The following CLVS1 variants were observed in gnomAD, a reference collection of about 807,000 sequenced individuals.
The protein encoded by CLVS1 is clavesin-1.
In CLVS1, 10 loss-of-function variants were observed where a neutral mutation model predicts 33.1. That is an observed-to-expected ratio of 0.30 (90% CI 0.19 to 0.51). The LOEUF (loss-of-function observed/expected upper bound fraction) is 0.51. CLVS1 is among the 20% of genes least tolerant of loss of function. The pLI, the probability that CLVS1 is intolerant of heterozygous loss-of-function variation, is 0.97. For missense variants in CLVS1, 343 were observed against 433.4 expected (o/e 0.79, Z 1.85); for synonymous variants, 163 against 166.1 (o/e 0.98, Z 0.14).
chr8:61,491,205 T>C (rs1804067267), intron 5 of CLVS1, among the ~76,000 whole-genome samples: 1 of 152,178 alleles, frequency 6.6e-6, no homozygotes, highest in African/African-American at 2.4e-5. Context: ...TCAAGAACAA[T>C]TGGTGATTGT....
At chr8:61,165,507 T>G (rs1806844773) in intron 2 of CLVS1, among the ~76,000 whole-genome samples, 2 of 152,160 alleles carry the variant, frequency 1.3e-5, no homozygotes, top group African/African-American at 4.8e-5. Context: ...TAATTAGTAT[T>G]TTAGTGAGCT....
chr8:61,150,101 G>GGTGTGTGTGTGTGTGTGT (rs10653874), intron 2 of CLVS1, among the ~76,000 whole-genome samples: 8,300 of 146,390 alleles, frequency 0.057, 301 homozygotes, highest in Non-Finnish European at 0.071. Context: ...ATTTGAGAAA[G>GGTGTGTGTGTGTGTGTGT]GTGTGTGTGT....
At chr8:61,471,365 C>CA (rs1489291654) in intron 5 of CLVS1, among the ~76,000 whole-genome samples, 1 of 152,104 alleles carries the variant, frequency 6.6e-6, no homozygotes, top group Non-Finnish European at 1.5e-5. Flanking sequence ...GCCATTTTGT[C>CA]ACGGTTTTGA....
intron 3 of CLVS1, among the ~76,000 whole-genome samples, chr8:61,448,800 T>A (rs1217919994): frequency 6.6e-6 from 1 of 152,184 alleles, no homozygotes; most frequent in Non-Finnish European, 1.5e-5. Context: ...TACTTTTTCA[T>A]CTGCATCATA....
intron 5 of CLVS1, among the ~76,000 whole-genome samples, chr8:61,494,422 ACT>A (rs762338999): frequency 2.6e-5 from 4 of 151,838 alleles, no homozygotes; most frequent in Non-Finnish European, 5.9e-5. Context: ...AACTCAAATC[ACT>A]CCCCTGCCTG....
At chr8:61,433,531 C>A (rs151060871) in intron 3 of CLVS1, among the ~76,000 whole-genome samples, 1 of 152,224 alleles carries the variant, frequency 6.6e-6, no homozygotes, top group East Asian at 1.9e-4. Context: ...TTATTTCTTT[C>A]TCAAGAGAAC....
chr8:61,010,976 T>G, the CLVS1 span, among the ~76,000 whole-genome samples: 1 of 152,256 alleles, frequency 6.6e-6, no homozygotes, highest in African/African-American at 2.4e-5. Context: ...CACACTTGGT[T>G]CGCACCAATT....
intron 2 of CLVS1, among the ~76,000 whole-genome samples, chr8:61,305,556 T>A (rs1301223681): frequency 6.6e-6 from 1 of 152,202 alleles, no homozygotes; most frequent in East Asian, 1.9e-4. Flanking sequence ...ATAAACTCTA[T>A]TTTCTCTTTT....
At chr8:61,491,863 A>G (rs1472218561) in intron 5 of CLVS1, among the ~76,000 whole-genome samples, 1 of 152,248 alleles carries the variant, frequency 6.6e-6, no homozygotes, top group Non-Finnish European at 1.5e-5. Context: ...TATCTAAATG[A>G]TAACAGGTGA....
At chr8:61,196,590 T>C (rs1311195410) in intron 2 of CLVS1, among the ~76,000 whole-genome samples, 2 of 151,638 alleles carry the variant, frequency 1.3e-5, no homozygotes, top group Non-Finnish European at 2.9e-5. Context: ...TACTTGTTCT[T>C]ACCTGTTTCC....
intron 1 of CLVS1, among the ~76,000 whole-genome samples, chr8:61,131,584 C>T (rs10113823): frequency 0.23 from 34,327 of 151,806 alleles, 4,711 homozygotes; most frequent in African/African-American, 0.38. Flanking sequence ...AAAACATGAC[C>T]CCCAAAACTT....
At chr8:61,193,001 C>T (rs1439735238) in intron 2 of CLVS1, among the ~76,000 whole-genome samples, 2 of 152,068 alleles carry the variant, frequency 1.3e-5, no homozygotes, top group Non-Finnish European at 1.5e-5. Flanking sequence ...ACCATTTGAC[C>T]CAGCCATCCT....
intron 2 of CLVS1, among the ~76,000 whole-genome samples, chr8:61,152,612 G>T (rs774982889): frequency 3.9e-5 from 6 of 152,144 alleles, no homozygotes; most frequent in Non-Finnish European, 8.8e-5. Context: ...GCTAGGTCCC[G>T]TCCCTTCAGT....
chr8:60,970,286 G>T, the CLVS1 span, among the ~76,000 whole-genome samples: 1 of 152,188 alleles, frequency 6.6e-6, no homozygotes, highest in Non-Finnish European at 1.5e-5. Context: ...GGTCTGCCCT[G>T]GAGCCCTCTG....
At chr8:61,281,746 C>G (rs1809675228) in intron 2 of CLVS1, among the ~76,000 whole-genome samples, 1 of 152,142 alleles carries the variant, frequency 6.6e-6, no homozygotes, top group Non-Finnish European at 1.5e-5. Flanking sequence ...GGCCCTCTTG[C>G]TATACTCTGC....
At chr8:61,266,686 G>A (rs1563469487) in intron 2 of CLVS1, among the ~76,000 whole-genome samples, 1 of 152,124 alleles carries the variant, frequency 6.6e-6, no homozygotes, top group Non-Finnish European at 1.5e-5. Flanking sequence ...TGTTGTCCCT[G>A]TGGCAATAGC....
chr8:61,359,047 T>C (rs566102252), intron 2 of CLVS1, among the ~76,000 whole-genome samples: 266 of 152,370 alleles, frequency 1.7e-3, no homozygotes, highest in African/African-American at 3.8e-3. Flanking sequence ...TTCTGTTTCC[T>C]GAAATTATCT....
At chr8:61,079,138 G>A (rs1444336360) in intron 1 of CLVS1, among the ~76,000 whole-genome samples, 1 of 152,184 alleles carries the variant, frequency 6.6e-6, no homozygotes, top group Admixed American at 6.5e-5. Flanking sequence ...GAGTAGTGGT[G>A]TTTGAGACAT....
intron 2 of CLVS1, among the ~76,000 whole-genome samples, chr8:61,358,473 A>G (rs1812836014): frequency 6.6e-6 from 1 of 152,194 alleles, no homozygotes; most frequent in South Asian, 2.1e-4. Context: ...CTGCCCAATC[A>G]GTATGTCTTA....
Sources: gnomAD v4.1 joint callset for allele counts (sites outside exome capture counted in the v4.1 genomes callset) on GRCh38, gnomAD v4.1.1 for gene constraint, MANE v1.5 for transcripts, NCBI Gene and HGNC (gene_info 2026-07-23, HGNC 2026-07-21) for gene names.